NAV3: variants seen among roughly 807,000 people sequenced by gnomAD.
The protein encoded by NAV3 is pore membrane and/or filament interacting like protein 1.
Under a neutral mutation model 244.7 loss-of-function variants are expected in NAV3, and 87 were observed. The ratio of observed to expected loss-of-function variants is 0.36; its 90% CI spans 0.30 to 0.42. The LOEUF is 0.42. Ranked by LOEUF, NAV3 falls within the 20% of genes least tolerant of loss-of-function variation. NAV3 has a pLI of 1.00. For missense variants in NAV3, 2,663 were observed against 2,893.3 expected (o/e 0.92, Z 1.83); for synonymous variants, 1,126 against 1,042.2 (o/e 1.08, Z -1.55).
At chr12:77,908,173 T>C (rs1020591270) in intron 1 of NAV3, among the ~76,000 whole-genome samples, 16 of 152,068 alleles carry the variant, frequency 1.1e-4, no homozygotes, top group Non-Finnish European at 7.4e-5. Flanking sequence ...TTTGTCAGCA[T>C]GATGTTCCAA....
intron 12 of NAV3, among the ~76,000 whole-genome samples, chr12:78,104,877 C>T (rs73354813): frequency 1.3e-4 from 20 of 152,106 alleles, no homozygotes; most frequent in Middle Eastern, 6.8e-3. Flanking sequence ...TAACTTAATG[C>T]GCTTGAAATT....
intron 2 of NAV3, among the ~76,000 whole-genome samples, chr12:77,609,535 A>G (rs1592500713): frequency 6.6e-6 from 1 of 152,058 alleles, no homozygotes. Context: ...TTCTGTCCAC[A>G]TGATAATGAC....
chr12:78,149,848 T>A (rs1016302231), intron 22 of NAV3, among the ~76,000 whole-genome samples: 4 of 152,102 alleles, frequency 2.6e-5, no homozygotes, highest in East Asian at 1.9e-4. Flanking sequence ...GAGCCATTTT[T>A]AAATTTTTTT....
intron 9 of NAV3, among the ~76,000 whole-genome samples, chr12:78,038,160 C>G (rs1191791314): frequency 1.3e-5 from 2 of 152,182 alleles, no homozygotes; most frequent in African/African-American, 4.8e-5. Context: ...CTTTAAATGT[C>G]AACTGTGCCA....
intron 1 of NAV3, among the ~76,000 whole-genome samples, chr12:77,841,458 C>T (rs1875634409): frequency 6.6e-6 from 1 of 152,098 alleles, no homozygotes; most frequent in African/African-American, 2.4e-5. Context: ...GTAATGCTAA[C>T]TTCTATAACA....
intron 2 of NAV3, among the ~76,000 whole-genome samples, chr12:77,590,160 CCAGTAGAGGCTGTG>C (rs145674812): frequency 0.028 from 4,296 of 152,192 alleles, 81 homozygotes; most frequent in Middle Eastern, 0.086. Context: ...CAAAGGAACC[CCAGTAGAGGCTGTG>C]CACTTAAATT....
At chr12:77,818,665 G>T (rs2136023182) in intron 2 of NAV3, among the ~76,000 whole-genome samples, 1 of 152,114 alleles carries the variant, frequency 6.6e-6, no homozygotes, top group East Asian at 1.9e-4. Context: ...AATAATCCAG[G>T]TTAGTATCTG....
At chr12:78,066,708 G>GTA (rs930014456) in intron 12 of NAV3, among the ~76,000 whole-genome samples, 3 of 151,984 alleles carry the variant, frequency 2.0e-5, no homozygotes, top group Non-Finnish European at 4.4e-5. Flanking sequence ...TTTATTGAAA[G>GTA]TATAAAAGCA....
At chr12:77,699,542 GT>G (rs1431984783) in intron 2 of NAV3, among the ~76,000 whole-genome samples, 1 of 152,114 alleles carries the variant, frequency 6.6e-6, no homozygotes, top group Non-Finnish European at 1.5e-5. Context: ...AAAGGCAGGA[GT>G]TTACTTGAAT....
At chr12:77,707,908 TG>T in intron 2 of NAV3, among the ~76,000 whole-genome samples, 1 of 152,326 alleles carries the variant, frequency 6.6e-6, no homozygotes, top group African/African-American at 2.4e-5. Context: ...TTGATGGAGT[TG>T]TTTTTTTCTT....
At chr12:77,794,932 C>A (rs75448667) in intron 2 of NAV3, among the ~76,000 whole-genome samples, 2,367 of 152,268 alleles carry the variant, frequency 0.016, 62 homozygotes, top group African/African-American at 0.051. Context: ...CTGGGCCTTA[C>A]TATTCTCTGA....
intron 2 of NAV3, among the ~76,000 whole-genome samples, chr12:77,765,778 A>C (rs1171859680): frequency 1.3e-5 from 2 of 152,124 alleles, no homozygotes; most frequent in Non-Finnish European, 2.9e-5. Flanking sequence ...AGAAGTCAGA[A>C]AAAGAAGCCC....
chr12:78,168,703 A>G (rs1204684035), intron 23 of NAV3, 52 bp from the exon 24 acceptor site: 1 of 1,199,734 alleles, frequency 8.3e-7, no homozygotes, highest in Non-Finnish European at 1.2e-6. Flanking sequence ...GAGCAGGGAG[A>G]TTTTATTTTT....
In NAV3 at chr12:78,049,980, A is replaced by G. The variant is rs2137224245; in HGVS notation, c.2024-13A>G. ...ATGTCATGAATAGCAAATTTATCAT[A>G]TTGCTTTCCTAGGTGAAGACCCTGA... On this transcript the variant is annotated splice_polypyrimidine_tract_variant and intron_variant, in intron 9 of 39. Transcript: ENST00000397909. 6.4e-7 allele frequency: 1 copy of G among 1,570,788 alleles called. No homozygotes were observed. Among genetic ancestry groups the G allele is most frequent in the Non-Finnish European group, 8.7e-7 (1 of 1,152,332 alleles).
At chr12:77,576,409 C>G (rs931693908) in intron 2 of NAV3, among the ~76,000 whole-genome samples, 1 of 151,946 alleles carries the variant, frequency 6.6e-6, no homozygotes, top group African/African-American at 2.4e-5. Flanking sequence ...CAACTGACAT[C>G]AAACAGAAGC....
intron 2 of NAV3, among the ~76,000 whole-genome samples, chr12:77,730,770 CTT>C (rs200147386): frequency 9.5e-5 from 13 of 136,234 alleles, no homozygotes; most frequent in Admixed American, 7.4e-5. Context: ...GTGCTTTTTT[CTT>C]TTTTTTTTTT....
intron 2 of NAV3, among the ~76,000 whole-genome samples, chr12:77,780,457 G>A (rs1368716957): frequency 1.3e-5 from 2 of 152,112 alleles, no homozygotes; most frequent in East Asian, 1.9e-4. Context: ...TAAGGGTCAA[G>A]ACTTATTGCA....
At chr12:77,881,853 G>A (rs1174209449) in intron 1 of NAV3, among the ~76,000 whole-genome samples, 1 of 152,016 alleles carries the variant, frequency 6.6e-6, no homozygotes, top group East Asian at 1.9e-4. Flanking sequence ...AAATACCTAA[G>A]AATACAGCTA....
At chr12:77,881,239 T>A (rs1677912) in intron 1 of NAV3, among the ~76,000 whole-genome samples, 20,486 of 152,130 alleles carry the variant, frequency 0.13, 1,466 homozygotes, top group East Asian at 0.22. Flanking sequence ...TACTGTAATG[T>A]CTTAGACCTT....
Sources: allele counts gnomAD v4.1 joint callset (sites outside exome capture counted in the v4.1 genomes callset), GRCh38; gene constraint gnomAD v4.1.1; transcripts MANE v1.5; gene names NCBI Gene and HGNC (gene_info 2026-07-23, HGNC 2026-07-21).